Variants in AKNAD1 observed in about 807,000 individuals in gnomAD.
The protein encoded by AKNAD1 is AKNA domain containing 1, also known as protein AKNAD1.
Under a neutral mutation model 90.8 loss-of-function variants are expected in AKNAD1, and 67 were observed. The ratio of observed to expected loss-of-function variants is 0.74; its 90% confidence interval spans 0.61 to 0.90. The LOEUF (loss-of-function observed/expected upper bound fraction) is 0.90. AKNAD1 is among the 40% of genes least tolerant of loss of function. The pLI is 0.00. For missense variants in AKNAD1, 957 were observed against 975.4 expected (o/e 0.98, Z 0.25); for synonymous variants, 327 against 341.4 (o/e 0.96, Z 0.46).
In AKNAD1 at chr1:108,830,622, T is replaced by C; in HGVS notation, c.1775A>G (p.Gln592Arg). ...GGGTGCCGTCATCTCTGCACAATCC[T>C]GCCTTCTTGGAGTGCCGTTGGGATC... ...GEDPNGTPRR[Q>R]DCAEMTAPSP... The change falls in exon 10 of 16, where the codon CAG becomes CGG. Residue 592 changes from glutamine to arginine, a missense_variant. By Grantham distance (43) the Gln-to-Arg change is conservative. Transcript: ENST00000370001. 6.2e-7 allele frequency: 1 copy of C among 1,614,116 alleles called. No homozygotes were observed.
In AKNAD1 at chr1:108,832,201, A is replaced by ATGCTGTGT. The variant is rs1664221331; in HGVS notation, c.1747-1559_1747-1552dup. On this transcript the variant is annotated intron_variant, in intron 9 of 15. Transcript: ENST00000370001. ...TTTAACTTTTACCTATCTGACTGGT[A>ATGCTGTGT]TGCTGTGTTCTTTTTTTTTTTTTTT... 2.2e-5 allele frequency among the ~76,000 whole-genome samples: 3 copies of ATGCTGTGT among 139,272 alleles called. No homozygotes were observed. The South Asian group carries it at 7.1e-4, about 33-fold the overall frequency. 91.4% of individuals were successfully genotyped at this position (139,272 alleles called of 152,430 possible). A position where few individuals can be genotyped will look rare whatever the true frequency, so the allele number is the denominator to read the frequency against.
chr1:108,841,128 G>A (rs374021902), intron 6 of AKNAD1, among the ~76,000 whole-genome samples: 16 of 151,984 alleles, frequency 1.1e-4, no homozygotes, highest in African/African-American at 2.9e-4. Context: ...AGCCGAGATC[G>A]CGCCACTGCA....
rs762452445 is a variant in AKNAD1, at chr1:108,851,665, C to A, written c.993+7G>T. On this transcript the variant is annotated splice_region_variant and intron_variant, in intron 2 of 15. Coordinates refer to ENST00000370001, the MANE Select transcript of AKNAD1 (RefSeq NM_152763.5). ...TTAATGTGTTTACAGGAGACTGTTT[C>A]ATTTACCTGGATTTGTTGTGAAGGT... The A allele has an allele frequency of 6.4e-7, 1 of 1,573,644 alleles. No individual in the cohort carries two copies. Among genetic ancestry groups the A allele is most frequent in the South Asian group, 1.2e-5 (1 of 82,938 alleles).
Position 108,853,821 on chromosome 1 carries a change from A to G in AKNAD1, c.-103-1054T>C, listed in dbSNP as rs535712888. Among the ~76,000 whole-genome samples the G allele has an allele frequency of 2.0e-5, 3 of 152,200 alleles. No individual in the cohort carries two copies. The South Asian group carries it at 6.2e-4, about 32-fold the overall frequency. ...TGTAGTGGCAAGCACCTGTAGTCCC[A>G]GCTACTTGGGAGGCTGAGGCAGGAG... is the stretch of plus-strand genomic sequence containing the variant. On this transcript the variant is annotated intron_variant, in intron 1 of 15. Transcript: ENST00000370001.
chr1:108,838,627 A>C (rs891473758), intron 6 of AKNAD1, among the ~76,000 whole-genome samples: 50 of 152,274 alleles, frequency 3.3e-4, no homozygotes, highest in Admixed American at 2.5e-3. Flanking sequence ...GAGACTTAAA[A>C]GAATTTGATC....
rs1340634147 is a variant in AKNAD1 at position 108,840,586 on chromosome 1, A to G, written c.1379+2548T>C. Reference sequence around the variant, plus strand: ...GCTATAAGAAAATTTTAAAAAGAAGAAACATTTCTAAATATACACTAACCT... The same window carrying G: ...GCTATAAGAAAATTTTAAAAAGAAGGAACATTTCTAAATATACACTAACCT... On this transcript the variant is annotated intron_variant, in intron 6 of 15. Transcript: ENST00000370001. Among the ~76,000 whole-genome samples, 7 of 152,192 alleles carry G rather than the reference A, an allele frequency of 4.6e-5. No individual in the cohort carries two copies. The East Asian group carries it at 1.2e-3, about 25-fold the overall frequency.
At chr1:108,819,014 A>G (rs1046005988) in intron 14 of AKNAD1, among the ~76,000 whole-genome samples, 2 of 151,716 alleles carry the variant, frequency 1.3e-5, no homozygotes, top group Admixed American at 6.6e-5. Flanking sequence ...GTTCTTAAAC[A>G]CTGTGCTAGA....
chr1:108,825,628 C>G (rs1663972948), intron 11 of AKNAD1, among the ~76,000 whole-genome samples: 1 of 151,552 alleles, frequency 6.6e-6, no homozygotes, highest in Admixed American at 6.6e-5. Context: ...TGGAGAACAG[C>G]TAGCATTCAA....
chr1:108,850,215 C>T (rs1277203), intron 2 of AKNAD1, among the ~76,000 whole-genome samples: 85,907 of 152,088 alleles, frequency 0.56, 26,353 homozygotes, highest in East Asian at 0.71. Flanking sequence ...CTCAGAAACA[C>T]GCTAGTGCTG....
intron 1 of AKNAD1, among the ~76,000 whole-genome samples, chr1:108,853,025 C>T (rs1172399510): frequency 6.6e-6 from 1 of 151,682 alleles, no homozygotes; most frequent in African/African-American, 2.4e-5. Flanking sequence ...CATTAGTCTA[C>T]AGTTAATGGC....
intron 14 of AKNAD1, among the ~76,000 whole-genome samples, chr1:108,820,087 G>A (rs1211681860): frequency 4.6e-5 from 7 of 152,004 alleles, no homozygotes; most frequent in Admixed American, 4.6e-4. Context: ...TTGGGTTCCA[G>A]CCACACCATT....
At chr1:108,855,888 T>A (rs989787731) in intron 1 of AKNAD1, among the ~76,000 whole-genome samples, 1 of 150,552 alleles carries the variant, frequency 6.6e-6, no homozygotes, top group Non-Finnish European at 1.5e-5. Context: ...CTTTTTTTTT[T>A]TTTTTTTAGA....
At chr1:108,839,482 A>AAAAG (rs397968930) in intron 6 of AKNAD1, among the ~76,000 whole-genome samples, 2 of 150,554 alleles carry the variant, frequency 1.3e-5, no homozygotes, top group Admixed American at 6.6e-5. Context: ...AAAAAAAAAA[A>AAAAG]GAAAAGGGAA....
chr1:108,850,389 C>G (rs911781983), intron 2 of AKNAD1, among the ~76,000 whole-genome samples: 1 of 152,300 alleles, frequency 6.6e-6, no homozygotes, highest in Middle Eastern at 3.4e-3. Flanking sequence ...TGATATCCAT[C>G]TGCTCCTGCT....
In AKNAD1 at chr1:108,852,636, G is replaced by A. The variant is rs41279674; in HGVS notation, c.29C>T (p.Thr10Met). The A allele has an allele frequency of 8.2e-5, 131 of 1,591,806 alleles. 1 individual carries two copies. The highest frequency in any genetic ancestry group is 1.1e-4 in the South Asian group (10 of 88,054). Residue 10 changes from threonine (T) to methionine (M), a missense_variant, in exon 2 of 16, where the codon ACG (threonine) becomes ATG (methionine). Thr to Met is a moderately conservative substitution (Grantham distance 81). Transcript: ENST00000370001. Reference sequence around the variant, plus strand: ...AGGCAAATCCTCCTGCTTATAAGTCGTGTGTTCTGAAAAATCAGCCTCATC... The same window carrying A: ...AGGCAAATCCTCCTGCTTATAAGTCATGTGTTCTGAAAAATCAGCCTCATC... MDEADFSEH[T>M]TYKQEDLPYD...
At chr1:108,849,129 A>G (rs1664783267) in intron 3 of AKNAD1, 69 bp from the exon 4 acceptor site, 1 of 1,381,436 alleles carries the variant, frequency 7.2e-7, no homozygotes, top group South Asian at 1.6e-5. Context: ...AAGTACTGAA[A>G]ACAGAAAGCT....
chr1:108,821,270 G>A (rs1311239545), intron 13 of AKNAD1, among the ~76,000 whole-genome samples: 2 of 152,088 alleles, frequency 1.3e-5, no homozygotes, highest in Non-Finnish European at 2.9e-5. Flanking sequence ...GGTCAACATG[G>A]TGAAACCCTG....
At chr1:108,849,435 T>C in intron 3 of AKNAD1, 102 bp downstream of exon 3, 1 of 760,040 alleles carries the variant, frequency 1.3e-6, no homozygotes, top group Non-Finnish European at 2.3e-6. Context: ...ACCAAGATTG[T>C]GCTGCTGCAC....
chr1:108,843,858 C>T (rs549445367), intron 5 of AKNAD1, among the ~76,000 whole-genome samples: 2 of 152,238 alleles, frequency 1.3e-5, no homozygotes, highest in East Asian at 3.9e-4. Flanking sequence ...CTACGTGCAG[C>T]CTCAAGCAGA....
Sources: gnomAD v4.1 joint callset for allele counts (sites outside exome capture counted in the v4.1 genomes callset) on GRCh38, gnomAD v4.1.1 for gene constraint, MANE v1.5 for transcripts, NCBI Gene and HGNC (gene_info 2026-07-23, HGNC 2026-07-21) for gene names.